Variants in TRAPPC8 observed in about 807,000 individuals in gnomAD.
The protein encoded by TRAPPC8 is trafficking protein particle complex subunit 8.
A neutral mutation model predicts 174.3 loss-of-function variants in TRAPPC8; 54 were observed. The ratio of observed to expected loss-of-function variants is 0.31; its 90% CI spans 0.25 to 0.39. TRAPPC8 has a LOEUF of 0.39. TRAPPC8 is among the 10% of genes least tolerant of loss of function. The pLI, the probability that TRAPPC8 is intolerant of heterozygous loss-of-function variation, is 1.00. For missense variants in TRAPPC8, 1,531 were observed against 1,699.1 expected (o/e 0.90, Z 1.74); for synonymous variants, 630 against 579.9 (o/e 1.09, Z -1.24).
chr18:31,874,225 CTTTTTT>C (rs913109085), intron 13 of TRAPPC8: 1 of 397,194 alleles, frequency 2.5e-6, no homozygotes, highest in African/African-American at 2.2e-5. Context: ...CCTGTGGAAT[CTTTTTT>C]TTTTTTAAGA....
chr18:31,941,542 T>C (rs547053958), intron 1 of TRAPPC8, among the ~76,000 whole-genome samples: 7 of 152,322 alleles, frequency 4.6e-5, no homozygotes, highest in Admixed American at 1.3e-4. Flanking sequence ...ATGGCTACGA[T>C]ACAGGCTAAA....
In TRAPPC8 at chr18:31,942,734, G is replaced by C; in HGVS notation, c.31C>G (p.Leu11Val). The part of the protein sequence containing the change: MAQCVQSVQE[L>V]IPDSFVPCVA... ...CAGGGGACGAAGGAGTCCGGGATTA[G>C]CTCCTGCACTGATTGTACACACTGG... The change falls in exon 1 of 29, where the codon CTA becomes GTA. Residue 11 changes from leucine (L) to valine (V), a missense_variant. Physicochemically the swap from Leu to Val is conservative, Grantham distance 32 (BLOSUM62 1). Transcript: ENST00000283351. The C allele has an allele frequency of 6.3e-7, 1 of 1,593,108 alleles. No individual in the cohort carries two copies. Among genetic ancestry groups the C allele is most frequent in the Non-Finnish European group, 8.5e-7 (1 of 1,170,446 alleles).
At chr18:31,862,825 G>A (rs915246122) in intron 19 of TRAPPC8, among the ~76,000 whole-genome samples, 5 of 152,066 alleles carry the variant, frequency 3.3e-5, no homozygotes, top group Non-Finnish European at 7.4e-5. Flanking sequence ...GGAGGCCGAG[G>A]TGGGCGGATC....
At chr18:31,919,590 A>AAAT (rs1159178721) in intron 2 of TRAPPC8, among the ~76,000 whole-genome samples, 2 of 60,356 alleles carry the variant, frequency 3.3e-5, no homozygotes, top group Middle Eastern at 6.3e-3. Context: ...ATAAATAAAT[A>AAAT]AAATAATAAT....
intron 12 of TRAPPC8, 55 bp downstream of exon 12, chr18:31,890,680 G>T: frequency 6.4e-7 from 1 of 1,550,880 alleles, no homozygotes; most frequent in South Asian, 1.2e-5. Flanking sequence ...ATGGACAAAT[G>T]ACACACATTT....
At chr18:31,832,285 T>A in intron 27 of TRAPPC8, 112 bp from the exon 28 acceptor site, 5 of 420,974 alleles carry the variant, frequency 1.2e-5, no homozygotes, top group Non-Finnish European at 1.2e-5. Flanking sequence ...TTAAAAACAA[T>A]CAGATTCAAG....
intron 2 of TRAPPC8, among the ~76,000 whole-genome samples, chr18:31,924,461 C>G (rs1051852152): frequency 1.6e-5 from 2 of 123,220 alleles, no homozygotes; most frequent in South Asian, 2.5e-4. Flanking sequence ...CCCTCCCCAC[C>G]GAAAAAAAAA....
rs754355611 is a variant in TRAPPC8, at chr18:31,931,523, A to T, written c.158T>A (p.Val53Asp). The T allele has an allele frequency of 6.5e-7, 1 of 1,540,328 alleles. No homozygotes were observed. Residue 53 changes from valine to aspartate, a missense_variant and splice_region_variant, in exon 2 of 29, where the codon GTT becomes GAT. Physicochemically the swap from Val to Asp is radical, Grantham distance 152. Transcript: ENST00000283351. ...TTGATTATTAGGATCTCTCATGTGAACTTTAAAGAAAAAAAGAAAAAAACT... is the reference window on the plus strand; with the variant it reads ...TTGATTATTAGGATCTCTCATGTGATCTTTAAAGAAAAAAAGAAAAAAACT... ...LKPFSRLTSE[V>D]HMRDPNNQLH... is the part of the protein sequence containing the mutation.
In TRAPPC8 at chr18:31,916,616, T is replaced by G. The variant is rs576704700; in HGVS notation, c.443-170A>C. Among the ~76,000 whole-genome samples the G allele has an allele frequency of 2.0e-5, 3 of 152,186 alleles. No individual in the cohort carries two copies. In the South Asian group the frequency reaches 6.2e-4, roughly 31 times the overall value. ...GGCGTGATCTCGACTCAACACAACC[T>G]CCGCCTCCCAGGTTCAAGTGATTCT... is the stretch of plus-strand genomic sequence containing the variant. On this transcript the variant is annotated intron_variant, in intron 3 of 28. Transcript: ENST00000283351.
At chr18:31,940,833 T>A (rs1446196636) in intron 1 of TRAPPC8, among the ~76,000 whole-genome samples, 1 of 152,174 alleles carries the variant, frequency 6.6e-6, no homozygotes, top group Non-Finnish European at 1.5e-5. Context: ...TCACATTATA[T>A]TTCAATTAGA....
intron 12 of TRAPPC8, among the ~76,000 whole-genome samples, chr18:31,888,533 A>T (rs2035821160): frequency 6.6e-6 from 1 of 152,222 alleles, no homozygotes; most frequent in Non-Finnish European, 1.5e-5. Flanking sequence ...TCAATGATAG[A>T]ATGAATAAAG....
intron 19 of TRAPPC8, among the ~76,000 whole-genome samples, chr18:31,859,095 A>AAAAC (rs138836773): frequency 3.3e-5 from 5 of 151,296 alleles, no homozygotes; most frequent in East Asian, 2.0e-4. Flanking sequence ...CCCATCTCAA[A>AAAAC]AAACAAACAA....
At position 31,873,522 on chromosome 18, in the gene TRAPPC8, G is replaced by A. The variant is rs777799789; in HGVS notation, c.1970C>T (p.Ser657Leu). ...AAGCTGTGGCAAAGGACCATCTGGTGACAGCTGACTTACATTCTGAGAGAA... is the reference window on the plus strand; with the variant it reads ...AAGCTGTGGCAAAGGACCATCTGGTAACAGCTGACTTACATTCTGAGAGAA... The part of the protein sequence containing the change: ...LYVYKNVSQL[S>L]PDGPLPQLPL... Residue 657 changes from serine to leucine, a missense_variant, in exon 14 of 29, where the codon TCA (serine) becomes TTA (leucine). By Grantham distance (145) the Ser-to-Leu change is moderately radical. Coordinates refer to ENST00000283351, the MANE Select transcript of TRAPPC8 (RefSeq NM_014939.5). 3 of 1,612,584 alleles carry A rather than the reference G, an allele frequency of 1.9e-6. No individual in the cohort carries two copies. The highest frequency in any genetic ancestry group is 4.5e-5 in the East Asian group (2 of 44,872).
At chr18:31,906,139 G>C (rs2036646026) in intron 9 of TRAPPC8, among the ~76,000 whole-genome samples, 1 of 150,990 alleles carries the variant, frequency 6.6e-6, no homozygotes, top group Non-Finnish European at 1.5e-5. Context: ...GACCAGCCTG[G>C]GCAACACAGC....
intron 1 of TRAPPC8, among the ~76,000 whole-genome samples, chr18:31,936,182 G>T (rs976890505): frequency 3.9e-5 from 6 of 151,906 alleles, no homozygotes; most frequent in African/African-American, 1.2e-4. Context: ...CCTCTGGCTG[G>T]GTGTAGTGGC....
At position 31,873,519 on chromosome 18, in the gene TRAPPC8, G is replaced by A. The variant is rs1430384188; in HGVS notation, c.1973C>T (p.Pro658Leu). The change falls in exon 14 of 29, where the codon CCA becomes CTA. Residue 658 changes from proline to leucine, a missense_variant. Transcript: ENST00000283351. Reference protein sequence around the residue: ...YVYKNVSQLSPDGPLPQLPLP... With the variant: ...YVYKNVSQLSLDGPLPQLPLP... ...AGGAAGCTGTGGCAAAGGACCATCT[G>A]GTGACAGCTGACTTACATTCTGAGA... 1.2e-6 allele frequency: 2 copies of A among 1,612,568 alleles called. No individual in the cohort carries two copies. Among genetic ancestry groups the A allele is most frequent in the Non-Finnish European group, 1.7e-6 (2 of 1,179,362 alleles).
At chr18:31,931,840 TCA>T (rs756137968) in intron 1 of TRAPPC8, among the ~76,000 whole-genome samples, 121 of 152,322 alleles carry the variant, frequency 7.9e-4, no homozygotes, top group Non-Finnish European at 1.4e-3. Flanking sequence ...TATTCTCACC[TCA>T]CACTAAAGCT....
At chr18:31,844,726 A>AAAAAG (rs1197178784) in intron 26 of TRAPPC8, 1 of 151,552 alleles carries the variant, frequency 6.6e-6, no homozygotes, top group Non-Finnish European at 1.5e-5. Context: ...AAAAAAAAAA[A>AAAAAG]AAAAGAAAAG....
chr18:31,866,702 C>G, intron 18 of TRAPPC8, 147 bp downstream of exon 18: 1 of 790,546 alleles, frequency 1.3e-6, no homozygotes, highest in Non-Finnish European at 1.8e-6. Flanking sequence ...TTAAAATAAT[C>G]TAAATTTGTC....
Sources: allele counts gnomAD v4.1 joint callset (sites outside exome capture counted in the v4.1 genomes callset), GRCh38; gene constraint gnomAD v4.1.1; transcripts MANE v1.5; gene names NCBI Gene and HGNC (gene_info 2026-07-23, HGNC 2026-07-21).